ZNF536: variants seen among roughly 807,000 people sequenced by gnomAD.
The protein encoded by ZNF536 is zinc finger protein 536.
In ZNF536, 13 loss-of-function variants were observed where a neutral mutation model predicts 84.5. That is an observed-to-expected ratio of 0.15 (90% CI 0.10 to 0.24). ZNF536 has a LOEUF of 0.24. Ranked by LOEUF, ZNF536 falls within the 10% of genes least tolerant of loss-of-function variation. The pLI is 1.00. For synonymous variants in ZNF536, 811 were observed against 742.5 expected, an observed-to-expected ratio of 1.09 and a Z score of -1.50; for missense variants, 1,536 against 1,747.5, an observed-to-expected ratio of 0.88 and a Z score of 2.16.
intron 1 of ZNF536, among the ~76,000 whole-genome samples, chr19:30,669,684 A>AG (rs2050469973): frequency 2.0e-5 from 3 of 152,224 alleles, no homozygotes; most frequent in African/African-American, 2.4e-5. Context: ...AGAAGCTTGC[A>AG]GGGGGGCTGC....
At chr19:30,544,596 C>T (rs781251195) in intron 3 of ZNF536, among the ~76,000 whole-genome samples, 22 of 152,216 alleles carry the variant, frequency 1.4e-4, no homozygotes, top group Non-Finnish European at 2.4e-4. Context: ...ATGTCTCCTC[C>T]AAAAGCCATG....
At chr19:30,487,220 C>G (rs2054334989) in intron 2 of ZNF536, among the ~76,000 whole-genome samples, 1 of 152,134 alleles carries the variant, frequency 6.6e-6, no homozygotes, top group African/African-American at 2.4e-5. Context: ...AAAAAGTTAC[C>G]TGCGTGGAAA....
rs202076068 is a variant in ZNF536, at chr19:30,609,895, TATCCATCCATCCATCCATCC to T, written c.169+60408_169+60427del. ...TTATCCATCCATCCATCCACCCATT[TATCCATCCATCCATCCATCC>T]ATCCATCCATCCATCCATCCATCCA... On this transcript the variant is annotated intron_variant, in intron 1 of 1. Transcript: ENST00000592773. Among the ~76,000 whole-genome samples, 556 of 140,972 alleles carry T rather than the reference TATCCATCCATCCATCCATCC, an allele frequency of 3.9e-3. 4 individuals carry two copies. The highest frequency in any genetic ancestry group is 6.2e-3 in the Non-Finnish European group (402 of 64,466). The allele number at this position is 140,972 out of a possible 152,430, so 92.5% of individuals were successfully genotyped here.
intron 1 of ZNF536, among the ~76,000 whole-genome samples, chr19:30,399,729 C>G (rs1437547603): frequency 1.4e-5 from 2 of 146,518 alleles, no homozygotes; most frequent in African/African-American, 5.0e-5. Context: ...ACCTAGTCAC[C>G]CAGGCTGGAG....
At chr19:30,533,409 A>C (rs1018136367) in intron 2 of ZNF536, among the ~76,000 whole-genome samples, 1 of 152,256 alleles carries the variant, frequency 6.6e-6, no homozygotes, top group East Asian at 1.9e-4. Flanking sequence ...AATCCCAGCT[A>C]CTTGGGAAGC....
intron 2 of ZNF536, among the ~76,000 whole-genome samples, chr19:30,457,543 T>C (rs1435875846): frequency 2.0e-5 from 3 of 152,164 alleles, no homozygotes; most frequent in Non-Finnish European, 4.4e-5. Flanking sequence ...ACACACCACA[T>C]AGGGGGCCTC....
chr19:30,331,983 C>G (rs1030787173), intron 2 of ZNF536, among the ~76,000 whole-genome samples: 3 of 152,140 alleles, frequency 2.0e-5, no homozygotes, highest in African/African-American at 7.2e-5. Context: ...ATCTTCAGTC[C>G]CGGGTGAACT....
chr19:30,653,058 T>C (rs2049769519), intron 1 of ZNF536, among the ~76,000 whole-genome samples: 1 of 152,140 alleles, frequency 6.6e-6, no homozygotes, highest in African/African-American at 2.4e-5. Flanking sequence ...AGATTAAACA[T>C]GAGGGAAGGT....
rs1489354730 is a variant in ZNF536 at position 30,291,127 on chromosome 19, A to G, written c.-120+6986A>G. 2.0e-5 allele frequency among the ~76,000 whole-genome samples: 3 copies of G among 152,194 alleles called. No homozygotes were observed. In the East Asian group the frequency reaches 5.8e-4, roughly 29 times the overall value. On this transcript the variant is annotated intron_variant, in intron 2 of 5. Transcript: ENST00000585628. ...GGTTGGTTCCAAGTCTTTACTTTGTAGATAGTGCTGCAAAAAATATATGTG... is the reference window on the plus strand; with the variant it reads ...GGTTGGTTCCAAGTCTTTACTTTGTGGATAGTGCTGCAAAAAATATATGTG...
chr19:30,470,177 G>C (rs1221993922), intron 2 of ZNF536, among the ~76,000 whole-genome samples: 1 of 152,216 alleles, frequency 6.6e-6, no homozygotes, highest in African/African-American at 2.4e-5. Flanking sequence ...TTTTTGGCTT[G>C]TTGGTACTAG....
chr19:30,308,188 C>G (rs960795505), intron 2 of ZNF536, among the ~76,000 whole-genome samples: 6 of 152,080 alleles, frequency 3.9e-5, no homozygotes, highest in Non-Finnish European at 7.4e-5. Flanking sequence ...AGGATTCCAT[C>G]TGCTGTGTTT....
downstream of ZNF536, among the ~76,000 whole-genome samples, chr19:30,559,870 T>A (rs1446063829): frequency 2.0e-5 from 3 of 152,132 alleles, no homozygotes; most frequent in Non-Finnish European, 4.4e-5. Flanking sequence ...CTCGGAAGCA[T>A]TTCCGTTTCT....
intron 1 of ZNF536, among the ~76,000 whole-genome samples, chr19:30,263,846 T>C (rs2025352913): frequency 6.6e-6 from 1 of 150,994 alleles, no homozygotes; most frequent in African/African-American, 2.4e-5. Context: ...ACTCCCAGAC[T>C]GGGCTAGGCT....
intron 1 of ZNF536, among the ~76,000 whole-genome samples, chr19:30,628,791 T>A (rs2147216239): frequency 6.6e-6 from 1 of 152,056 alleles, no homozygotes; most frequent in Non-Finnish European, 1.5e-5. Flanking sequence ...CTCCACCTCC[T>A]GGGTCCTGGT....
chr19:30,526,510 G>A (rs1048387385), intron 2 of ZNF536, among the ~76,000 whole-genome samples: 8 of 125,630 alleles, frequency 6.4e-5, no homozygotes, highest in African/African-American at 2.0e-4. Flanking sequence ...GGATCACGAG[G>A]TCAGGAGATC....
chr19:30,466,087 G>A (rs952002169), intron 2 of ZNF536, among the ~76,000 whole-genome samples: 4 of 151,978 alleles, frequency 2.6e-5, no homozygotes, highest in Non-Finnish European at 4.4e-5. Flanking sequence ...CTGGTGGTGG[G>A]CACCTATGGT....
At chr19:30,543,146 C>G (rs1465145028) in intron 3 of ZNF536, among the ~76,000 whole-genome samples, 1 of 152,196 alleles carries the variant, frequency 6.6e-6, no homozygotes, top group East Asian at 1.9e-4. Flanking sequence ...TTCTAGTGCC[C>G]ACAGTTGGTT....
intron 1 of ZNF536, among the ~76,000 whole-genome samples, chr19:30,401,712 G>T (rs1342790543): frequency 6.6e-6 from 1 of 152,198 alleles, no homozygotes; most frequent in African/African-American, 2.4e-5. Flanking sequence ...CAAAGAGGGG[G>T]AAAGGTAACT....
intron 2 of ZNF536, among the ~76,000 whole-genome samples, chr19:30,311,827 G>T (rs972126237): frequency 1.3e-5 from 2 of 152,156 alleles, no homozygotes; most frequent in African/African-American, 4.8e-5. Context: ...CCAGTGCTTT[G>T]GGAGGCCAAG....
Sources: allele counts gnomAD v4.1 joint callset (sites outside exome capture counted in the v4.1 genomes callset), GRCh38; gene constraint gnomAD v4.1.1; transcripts MANE v1.5; gene names NCBI Gene and HGNC (gene_info 2026-07-23, HGNC 2026-07-21).